SCEL: variants seen among roughly 807,000 people sequenced by gnomAD.
SCEL encodes sciellin.
Under a neutral mutation model 117.6 loss-of-function variants are expected in SCEL, and 113 were observed. The ratio of observed to expected loss-of-function variants is 0.96; its 90% CI spans 0.83 to 1.12. SCEL has a LOEUF of 1.12. Among genes scored for constraint, SCEL ranks in the 50% most tolerant of loss-of-function variants. The probability of loss-of-function intolerance (pLI) is 0.00; values close to 1 mark genes in which losing one functional copy is unlikely to be tolerated. For synonymous variants in SCEL, 270 were observed against 256.2 expected (o/e 1.05, Z -0.51); for missense variants, 785 against 810.8 (o/e 0.97, Z 0.39).
intron 13 of SCEL, 22 bp downstream of exon 13, chr13:77,597,611 C>G: frequency 7.5e-7 from 1 of 1,325,438 alleles, no homozygotes; most frequent in Non-Finnish European, 1.1e-6. Flanking sequence ...AAATGTTTAT[C>G]TTTTATTACT....
At chr13:77,555,800 A>G in intron 1 of SCEL, 57 bp from the exon 2 acceptor site, 1 of 1,109,034 alleles carries the variant, frequency 9.0e-7, no homozygotes, top group Non-Finnish European at 1.4e-6. Context: ...TGAAACAGTC[A>G]CTTACAGGTT....
At chr13:77,550,041 A>G (rs2084217436) in intron 1 of SCEL, among the ~76,000 whole-genome samples, 2 of 148,636 alleles carry the variant, frequency 1.3e-5, no homozygotes, top group South Asian at 4.2e-4. Flanking sequence ...GATATAATTT[A>G]CATGCCATAA....
intron 28 of SCEL, among the ~76,000 whole-genome samples, chr13:77,628,453 A>G (rs2089873068): frequency 6.6e-6 from 1 of 152,058 alleles, no homozygotes; most frequent in Non-Finnish European, 1.5e-5. Flanking sequence ...AATTTATCAC[A>G]GCCACAAAAC....
chr13:77,574,501 T>C (rs1369525151), intron 9 of SCEL, among the ~76,000 whole-genome samples: 1 of 152,192 alleles, frequency 6.6e-6, no homozygotes, highest in African/African-American at 2.4e-5. Context: ...GAAAATAATG[T>C]CATGCCAAGC....
rs543403712 is a variant in SCEL at position 77,619,900 on chromosome 13, C to T, written c.1628+1840C>T. ...CCCTTTCCTCCCTCAGTCCCTCTGACAATTGTGCTTTGTTGACAATGGTAA... is the reference window on the plus strand; with the variant it reads ...CCCTTTCCTCCCTCAGTCCCTCTGATAATTGTGCTTTGTTGACAATGGTAA... On this transcript the variant is annotated intron_variant, in intron 27 of 32. Coordinates refer to ENST00000349847, the MANE Select transcript of SCEL (RefSeq NM_144777.3). Among the ~76,000 whole-genome samples the T allele has an allele frequency of 1.5e-4, 23 of 152,260 alleles. No homozygotes were observed. The South Asian group carries it at 4.1e-3, about 27-fold the overall frequency.
chr13:77,569,845 CAG>C (rs1386405453), intron 8 of SCEL, among the ~76,000 whole-genome samples: 1 of 152,154 alleles, frequency 6.6e-6, no homozygotes, highest in Non-Finnish European at 1.5e-5. Flanking sequence ...CTTCCAAATG[CAG>C]AGTCAAAGAC....
At chr13:77,641,902 T>C (rs2090573890) in intron 31 of SCEL, among the ~76,000 whole-genome samples, 1 of 152,150 alleles carries the variant, frequency 6.6e-6, no homozygotes, top group African/African-American at 2.4e-5. Flanking sequence ...TATAAAAATA[T>C]AATCTCCAGG....
intron 9 of SCEL, among the ~76,000 whole-genome samples, chr13:77,579,754 C>G (rs2086164194): frequency 6.6e-6 from 1 of 152,036 alleles, no homozygotes; most frequent in African/African-American, 2.4e-5. Context: ...GTAGAGTAGG[C>G]TCAAAGGAGG....
chr13:77,644,408 A>G lies in SCEL; in HGVS notation c.*134A>G. 1.2e-6 allele frequency: 1 copy of G among 839,704 alleles called. No homozygotes were observed. Among genetic ancestry groups the G allele is most frequent in the Non-Finnish European group, 1.9e-6 (1 of 527,006 alleles). 52.0% of individuals were successfully genotyped at this position (839,704 alleles called of 1,614,324 possible). Reference sequence around the variant, plus strand: ...CTTGTACAAAATTAACAATTCTGTTATTGCATAAGTAATCTAATTGTCTTC... The same window carrying G: ...CTTGTACAAAATTAACAATTCTGTTGTTGCATAAGTAATCTAATTGTCTTC... On this transcript the variant is annotated 3_prime_UTR_variant, in exon 33 of 33. Transcript: ENST00000349847.
intron 1 of SCEL, among the ~76,000 whole-genome samples, chr13:77,554,750 G>T (rs973969881): frequency 7.9e-5 from 12 of 152,166 alleles, no homozygotes; most frequent in Admixed American, 4.6e-4. Flanking sequence ...TTCATTCTCA[G>T]ACGTTGAACG....
At chr13:77,610,522 C>T (rs185922984) in intron 22 of SCEL, among the ~76,000 whole-genome samples, 179 of 151,422 alleles carry the variant, frequency 1.2e-3, no homozygotes, top group African/African-American at 4.2e-3. Flanking sequence ...CCCAAATCAA[C>T]AGATCCTGTG....
chr13:77,546,498 C>T (rs1042091821), intron 1 of SCEL, among the ~76,000 whole-genome samples: 15 of 152,074 alleles, frequency 9.9e-5, no homozygotes, highest in African/African-American at 2.4e-5. Flanking sequence ...GTGGTACAGC[C>T]GGTGGTACTT....
chr13:77,587,772 A>C (rs944915707), intron 9 of SCEL, among the ~76,000 whole-genome samples: 1 of 151,948 alleles, frequency 6.6e-6, no homozygotes, highest in Non-Finnish European at 1.5e-5. Context: ...TGCTGTTTTC[A>C]TCTCATATTC....
At chr13:77,598,961 C>T (rs1012003526) in intron 13 of SCEL, among the ~76,000 whole-genome samples, 1 of 152,166 alleles carries the variant, frequency 6.6e-6, no homozygotes, top group East Asian at 1.9e-4. Context: ...GGATTACAGG[C>T]ATAAGCCACT....
chr13:77,580,556 A>G (rs1464793467), intron 9 of SCEL, among the ~76,000 whole-genome samples: 1 of 152,202 alleles, frequency 6.6e-6, no homozygotes, highest in African/African-American at 2.4e-5. Flanking sequence ...AATTCAAATG[A>G]TTCTAACTGT....
At chr13:77,633,563 G>A (rs1299358060) in intron 28 of SCEL, among the ~76,000 whole-genome samples, 2 of 150,760 alleles carry the variant, frequency 1.3e-5, no homozygotes, top group Non-Finnish European at 2.9e-5. Flanking sequence ...TTGATTTGAA[G>A]TGCAAAATAC....
Position 77,610,192 on chromosome 13 carries a change from C to T in SCEL, c.1337+86C>T, listed in dbSNP as rs551851088. ...ATGACAAATTGTGCGGTGGCTTACG[C>T]CTGTAATCCCAACAGTTTAGGAGGC... On this transcript the variant is annotated intron_variant, in intron 22 of 32. Coordinates refer to ENST00000349847, the MANE Select transcript of SCEL (RefSeq NM_144777.3). 4 of 910,712 alleles carry T rather than the reference C, an allele frequency of 4.4e-6. No individual in the cohort carries two copies. In the South Asian group the frequency reaches 5.4e-5, roughly 12 times the overall value. 56.4% of individuals were successfully genotyped at this position (910,712 alleles called of 1,614,324 possible). A position where few individuals can be genotyped will look rare whatever the true frequency, so the allele number is the denominator to read the frequency against.
At position 77,570,335 on chromosome 13, in the gene SCEL, G is replaced by C. The variant is rs140354152; in HGVS notation, c.479+884G>C. ...CAAATTTCATGTCCCTTGACCCTTT[G>C]CCTAGTAAAAACAGATTCCTAAGTT... On this transcript the variant is annotated intron_variant, in intron 8 of 32. Coordinates refer to ENST00000349847, the MANE Select transcript of SCEL (RefSeq NM_144777.3). 1.5e-4 allele frequency among the ~76,000 whole-genome samples: 23 copies of C among 152,286 alleles called. 1 individual carries two copies. The East Asian group carries it at 3.9e-3, about 26-fold the overall frequency.
intron 3 of SCEL, among the ~76,000 whole-genome samples, chr13:77,558,255 A>G (rs2084770613): frequency 6.6e-6 from 1 of 152,192 alleles, no homozygotes; most frequent in Non-Finnish European, 1.5e-5. Flanking sequence ...TGGATGGCAT[A>G]GGAGCTACTG....
Sources: gnomAD v4.1 joint callset for allele counts (sites outside exome capture counted in the v4.1 genomes callset) on GRCh38, gnomAD v4.1.1 for gene constraint, MANE v1.5 for transcripts, NCBI Gene and HGNC (gene_info 2026-07-23, HGNC 2026-07-21) for gene names.